The following LRP1 variants were observed in gnomAD, a reference collection of about 807,000 sequenced individuals.
LRP1 encodes the protein prolow-density lipoprotein receptor-related protein 1.
In LRP1, 51 loss-of-function variants were observed where a neutral mutation model predicts 541.5. The observed-to-expected ratio is 0.09, with a 90% CI of 0.08 to 0.12. The LOEUF is 0.12. Ranked by LOEUF, LRP1 falls within the 10% of genes least tolerant of loss-of-function variation. The pLI, the probability that LRP1 is intolerant of heterozygous loss-of-function variation, is 1.00. For synonymous variants in LRP1, 2,219 were observed against 2,470.8 expected (o/e 0.90, Z 3.02); for missense variants, 3,878 against 6,376.2 (o/e 0.61, Z 13.34).
chr12:57,159,101 C>T (rs2035679732), intron 11 of LRP1, among the ~76,000 whole-genome samples: 1 of 152,192 alleles, frequency 6.6e-6, no homozygotes, highest in Non-Finnish European at 1.5e-5. Context: ...CCAGGTCTTC[C>T]CTCTGAGCTG....
intron 41 of LRP1, among the ~76,000 whole-genome samples, 190 bp from the exon 42 acceptor site, chr12:57,187,077 C>G (rs1267649493): frequency 6.6e-6 from 1 of 152,168 alleles, no homozygotes; most frequent in Non-Finnish European, 1.5e-5. Flanking sequence ...TGAGTGAGGA[C>G]AGCAGAGGTT....
At position 57,179,877 on chromosome 12, in the gene LRP1, C is replaced by T. The variant is rs755983371; in HGVS notation, c.5062C>T (p.Arg1688Trp). ...CAATAAGAAGCAGATCAATGTGGCC[C>T]GGCTGGATGGCTCCTTCAAGAACGC... ...DTNKKQINVA[R>W]LDGSFKNAVV... is the part of the protein sequence containing the mutation. Residue 1688 changes from arginine (R) to tryptophan (W), a missense_variant, in exon 30 of 89, where the codon CGG (arginine) becomes TGG (tryptophan). Arg to Trp is a moderately radical substitution (Grantham distance 101). Transcript: ENST00000243077. The surrounding 1 kb of genome is among the most constrained non-coding windows in gnomAD (Gnocchi z 6.8). 11 of 1,614,010 alleles carry T rather than the reference C, an allele frequency of 6.8e-6. No individual in the cohort carries two copies. In the Admixed American group the frequency reaches 8.3e-5, roughly 12 times the overall value.
chr12:57,131,294 G>A (rs1367556357), intron 1 of LRP1, among the ~76,000 whole-genome samples: 13 of 152,108 alleles, frequency 8.5e-5, no homozygotes, highest in Non-Finnish European at 5.9e-5. Flanking sequence ...GGGGAGTAAC[G>A]TCACTCCCCA....
chr12:57,210,940 T>G, intron 83 of LRP1, 61 bp downstream of exon 83: 1 of 1,562,624 alleles, frequency 6.4e-7, no homozygotes, highest in South Asian at 1.2e-5. Context: ...CCCCAGAGCA[T>G]GGGGTGATGT....
At chr12:57,148,756 T>C (rs1226981576) in intron 6 of LRP1, among the ~76,000 whole-genome samples, 3 of 152,154 alleles carry the variant, frequency 2.0e-5, no homozygotes, top group Non-Finnish European at 4.4e-5. Context: ...CTGAAGTCAC[T>C]CAGGAGTTTG....
chr12:57,135,762 C>T (rs1260092203), intron 1 of LRP1, among the ~76,000 whole-genome samples: 1 of 152,148 alleles, frequency 6.6e-6, no homozygotes, highest in Non-Finnish European at 1.5e-5. Flanking sequence ...TTGTGAATCT[C>T]TCTCATTCCA....
chr12:57,203,427 G>T lies in LRP1; in HGVS notation c.10857G>T (p.Gln3619His), dbSNP rs931538644. The T allele has an allele frequency of 1.4e-5, 23 of 1,609,604 alleles. No homozygotes were observed. The highest frequency in any genetic ancestry group is 2.0e-5 in the Non-Finnish European group (23 of 1,178,038). The change falls in exon 70 of 89, where the codon CAG (glutamine) becomes CAT (histidine). Residue 3619 changes from glutamine (Q) to histidine (H), a missense_variant. Coordinates refer to ENST00000243077, the MANE Select transcript of LRP1 (RefSeq NM_002332.3). ...CCCGCTGTGACATGGACCAGTTCCA[G>T]TGCAAGAGCGGCCACTGCATCCCCC... Reference protein sequence around the residue: ...CTPRCDMDQFQCKSGHCIPLR... With the variant: ...CTPRCDMDQFHCKSGHCIPLR...
At position 57,187,445 on chromosome 12, in the gene LRP1, C is replaced by A. The variant is rs770277225; in HGVS notation, c.7020C>A (p.Asp2340Glu). 16 of 1,612,894 alleles carry A rather than the reference C, an allele frequency of 9.9e-6. No homozygotes were observed. The highest frequency in any genetic ancestry group is 1.3e-5 in the Non-Finnish European group (15 of 1,179,458). ...GDDHPRAFVLDECQNLMFWTN... is the reference protein window; with the variant it reads ...GDDHPRAFVLEECQNLMFWTN... Reference sequence around the variant, plus strand: ...ACCACCCACGGGCCTTCGTTTTGGACGAGTGCCAGAAGTGAGCTGCTGCCT... The same window carrying A: ...ACCACCCACGGGCCTTCGTTTTGGAAGAGTGCCAGAAGTGAGCTGCTGCCT... The change falls in exon 42 of 89, where the codon GAC becomes GAA. Residue 2340 changes from aspartate (D) to glutamate (E), a missense_variant. Asp to Glu is a conservative substitution (Grantham distance 45). Around this residue, in one of 13 missense-constraint regions of LRP1, gnomAD observed 1,100 missense variants for 1,827.4 expected, o/e 0.60. Transcript: ENST00000243077.
Position 57,193,246 on chromosome 12 carries a change from G to T in LRP1, c.7626G>T (p.Leu2542=). ...CANGECINFS[L]TCDGVPHCKD... ...ATGGCGAGTGCATCAACTTCAGCCT[G>T]ACCTGCGACGGCGTCCCCCACTGCA... The change falls in exon 46 of 89, where the codon CTG becomes CTT. Residue 2542 remains leucine (L), a synonymous_variant. Coordinates refer to ENST00000243077, the MANE Select transcript of LRP1 (RefSeq NM_002332.3). 1 of 1,614,052 alleles carries T rather than the reference G, an allele frequency of 6.2e-7. No individual in the cohort carries two copies. The highest frequency in any genetic ancestry group is 1.1e-5 in the South Asian group (1 of 91,076).
At position 57,212,885 on chromosome 12, in the gene LRP1, C is replaced by T. The variant is rs1418113222; in HGVS notation, c.*330C>T. The T allele has an allele frequency of 2.0e-5, 5 of 250,974 alleles. No homozygotes were observed. The Admixed American group carries it at 2.5e-4, about 12-fold the overall frequency. 15.5% of individuals were successfully genotyped at this position (250,974 alleles called of 1,614,324 possible). On this transcript the variant is annotated 3_prime_UTR_variant, in exon 89 of 89. Coordinates refer to ENST00000243077, the MANE Select transcript of LRP1 (RefSeq NM_002332.3). This position sits in a 1 kb window ranked among gnomAD's most constrained non-coding sequence, Gnocchi z 5.0. Reference sequence around the variant, plus strand: ...AGCCTTCCCCTCCCTGTATAAGACACTTTGCCAAGGCTCTCCCCTCTCGCC... The same window carrying T: ...AGCCTTCCCCTCCCTGTATAAGACATTTTGCCAAGGCTCTCCCCTCTCGCC...
At chr12:57,203,308 G>A in intron 69 of LRP1, 21 bp downstream of exon 69, 1 of 1,595,902 alleles carries the variant, frequency 6.3e-7, no homozygotes, top group Non-Finnish European at 8.6e-7. Flanking sequence ...AGATGAGAAG[G>A]AAGCAGATGG....
At chr12:57,147,249 C>T (rs573640747) in intron 6 of LRP1, among the ~76,000 whole-genome samples, 26 of 152,176 alleles carry the variant, frequency 1.7e-4, no homozygotes, top group Admixed American at 7.2e-4. Flanking sequence ...ACGTCCCTGC[C>T]GCCTGAATGT....
Position 57,178,809 on chromosome 12 carries a change from G to C in LRP1, c.4607-81G>C. On this transcript the variant is annotated intron_variant, in intron 27 of 88. Coordinates refer to ENST00000243077, the MANE Select transcript of LRP1 (RefSeq NM_002332.3). This position sits in a 1 kb window ranked among gnomAD's most constrained non-coding sequence, Gnocchi z 5.8. ...GCTGCTGGAACAGGGGGAGGAGAGT[G>C]GGCGAGGAAGGGGTGGTCCATGTAG... 2 of 1,540,636 alleles carry C rather than the reference G, an allele frequency of 1.3e-6. No homozygotes were observed. Among genetic ancestry groups the C allele is most frequent in the Non-Finnish European group, 1.7e-6 (2 of 1,145,338 alleles).
In LRP1 at chr12:57,158,642, T is replaced by C. The variant is rs1368814943; in HGVS notation, c.1798+4T>C. ...CGGGAGACCATCCTGAAGGACGGTA[T>C]GGGCTCCTAGGGATGTGGCCCATGG... On this transcript the variant is annotated splice_donor_region_variant and intron_variant, in intron 11 of 88. Coordinates refer to ENST00000243077, the MANE Select transcript of LRP1 (RefSeq NM_002332.3). This position sits in a 1 kb window ranked among gnomAD's most constrained non-coding sequence, Gnocchi z 5.3. The C allele has an allele frequency of 5.6e-6, 9 of 1,613,486 alleles. No homozygotes were observed. The highest frequency in any genetic ancestry group is 7.6e-6 in the Non-Finnish European group (9 of 1,179,632).
Position 57,207,697 on chromosome 12 carries a change from G to A in LRP1, c.11860-341G>A, listed in dbSNP as rs918948607. 4.6e-5 allele frequency among the ~76,000 whole-genome samples: 7 copies of A among 152,360 alleles called. No homozygotes were observed. The East Asian group carries it at 7.7e-4, about 17-fold the overall frequency. On this transcript the variant is annotated intron_variant, in intron 76 of 88. Transcript: ENST00000243077. ...GTGCTGCAGGCAGCCCAGGGCACAGGGCATGATGGGCAGGCAGACAGCCCT... is the reference window on the plus strand; with the variant it reads ...GTGCTGCAGGCAGCCCAGGGCACAGAGCATGATGGGCAGGCAGACAGCCCT...
In LRP1 at chr12:57,180,038, TC is replaced by T. The variant is rs2036131208; in HGVS notation, c.5142-3del. 1.2e-6 allele frequency: 2 copies of T among 1,612,776 alleles called. No individual in the cohort carries two copies. Among genetic ancestry groups the T allele is most frequent in the African/African-American group, 1.3e-5 (1 of 74,748 alleles). Reference sequence around the variant, plus strand: ...CCCTGACCTTTCCCTCTTGGCACCCTCCCCCCAGGAAGCTCTACTGGACCGA... The same window carrying T: ...CCCTGACCTTTCCCTCTTGGCACCCTCCCCCAGGAAGCTCTACTGGACCGA... On this transcript the variant is annotated splice_region_variant and splice_polypyrimidine_tract_variant and intron_variant, in intron 30 of 88. Transcript: ENST00000243077.
chr12:57,212,604 G>C lies in LRP1; in HGVS notation c.*49G>C, dbSNP rs757190640. Reference sequence around the variant, plus strand: ...CCAGAAAGCCTCCTGCCCCCTGCCAGTGAAGTCCTTCAGTGAGCCCCTCCC... The same window carrying C: ...CCAGAAAGCCTCCTGCCCCCTGCCACTGAAGTCCTTCAGTGAGCCCCTCCC... On this transcript the variant is annotated 3_prime_UTR_variant, in exon 89 of 89. Transcript: ENST00000243077. This position sits in a 1 kb window ranked among gnomAD's most constrained non-coding sequence, Gnocchi z 5.0. 4 of 1,520,262 alleles carry C rather than the reference G, an allele frequency of 2.6e-6. No homozygotes were observed. The Admixed American group carries it at 8.5e-5, about 32-fold the overall frequency. 94.2% of individuals were successfully genotyped at this position (1,520,262 alleles called of 1,614,324 possible). A position where few individuals can be genotyped will look rare whatever the true frequency, so the allele number is the denominator to read the frequency against.
chr12:57,163,133 G>C, intron 15 of LRP1, 150 bp downstream of exon 15: 1 of 1,180,312 alleles, frequency 8.5e-7, no homozygotes, highest in Admixed American at 2.9e-5. Flanking sequence ...GGGAGGGGGA[G>C]AGCAAAGGCT....
At position 57,206,443 on chromosome 12, in the gene LRP1, A is replaced by G; in HGVS notation, c.11591-30A>G. On this transcript the variant is annotated intron_variant, in intron 75 of 88. Coordinates refer to ENST00000243077, the MANE Select transcript of LRP1 (RefSeq NM_002332.3). This position sits in a 1 kb window ranked among gnomAD's most constrained non-coding sequence, Gnocchi z 4.7. ...GGTGGGGTGCACACCTGCATCCCAC[A>G]GCCCCAGCCCTGGCCTCTTGCTTCT... The G allele has an allele frequency of 1.2e-6, 2 of 1,609,780 alleles. No individual in the cohort carries two copies. The highest frequency in any genetic ancestry group is 1.7e-6 in the Non-Finnish European group (2 of 1,177,294).
Sources: allele counts gnomAD v4.1 joint callset (sites outside exome capture counted in the v4.1 genomes callset), GRCh38; gene constraint gnomAD v4.1.1; regional missense constraint gnomAD v4.1.1; non-coding constraint Gnocchi (gnomAD v3.1); transcripts MANE v1.5; gene names NCBI Gene and HGNC (gene_info 2026-07-23, HGNC 2026-07-21).